SMIM31: variants seen among roughly 807,000 people sequenced by gnomAD.
SMIM31 encodes human epithelial cell program regulator.
At chr4:164,773,510 T>C (rs1732840165) in intron 2 of SMIM31, among the ~76,000 whole-genome samples, 1 of 152,124 alleles carries the variant, frequency 6.6e-6, no homozygotes, top group African/African-American at 2.4e-5. Context: ...AGAAGAAGAA[T>C]GAGCGAAACT....
In SMIM31 at chr4:164,771,106, TA is replaced by T. The variant is rs531803626; in HGVS notation, c.112+552del. On this transcript the variant is annotated intron_variant, in intron 2 of 2. Transcript: ENST00000507311. ...CAAATTGCATTTGTGCTTCCTAGCT[TA>T]TCCCCAATCCCATCAATTCTTGACT... Among the ~76,000 whole-genome samples the T allele has an allele frequency of 5.3e-5, 8 of 152,354 alleles. No homozygotes were observed. The East Asian group carries it at 1.5e-3, about 29-fold the overall frequency.
chr4:164,791,154 A>C (rs1733095630), intron 2 of SMIM31, among the ~76,000 whole-genome samples: 1 of 152,096 alleles, frequency 6.6e-6, no homozygotes, highest in Non-Finnish European at 1.5e-5. Context: ...GCTACTTCTA[A>C]TGTTATCTTG....
chr4:164,769,715 T>C (rs1473325263), intron 1 of SMIM31, among the ~76,000 whole-genome samples: 3 of 149,358 alleles, frequency 2.0e-5, no homozygotes, highest in Non-Finnish European at 4.4e-5. Context: ...CTGCACGTTG[T>C]GCACATGTAC....
rs985397563 is a variant in SMIM31, at chr4:164,801,172, G to A, written c.194G>A (p.Arg65Lys). 2.5e-6 allele frequency: 1 copy of A among 398,944 alleles called. No individual in the cohort carries two copies. The highest frequency in any genetic ancestry group is 4.4e-6 in the Non-Finnish European group (1 of 226,036). 24.7% of individuals were successfully genotyped at this position (398,944 alleles called of 1,614,324 possible). The change falls in exon 3 of 3, where the codon AGA (arginine) becomes AAA (lysine). Residue 65 changes from arginine to lysine, a missense_variant. Transcript: ENST00000507311. ...KKKNCSEEEH[R>K]IEAVEL ...AAAAATTGCTCAGAGGAAGAGCACA[G>A]AATTGAAGCTGTTGAGCTATGATCT...
intron 1 of SMIM31, among the ~76,000 whole-genome samples, chr4:164,758,034 C>G (rs28799672): frequency 0.11 from 17,398 of 152,078 alleles, 1,110 homozygotes; most frequent in African/African-American, 0.16. Flanking sequence ...CATAAAATAT[C>G]GTATATCTCT....
rs1175517827 is a variant in SMIM31 at position 164,754,321 on chromosome 4, T to C, written c.-116T>C. 1 of 152,150 alleles carries C rather than the reference T, an allele frequency of 6.6e-6. No individual in the cohort carries two copies. Among genetic ancestry groups the C allele is most frequent in the African/African-American group, 2.4e-5 (1 of 41,432 alleles). The allele number at this position is 152,150 out of a possible 1,614,324, so 9.4% of individuals were successfully genotyped here. ...AATGTTCATTAACAGACACAGGCCA[T>C]TCAGTCCCGAATCCCAAGACACTGA... On this transcript the variant is annotated 5_prime_UTR_variant, in exon 1 of 3. Transcript: ENST00000507311.
In SMIM31 at chr4:164,801,471, AAT is replaced by A. The variant is rs1733283340; in HGVS notation, c.*279_*280del. On this transcript the variant is annotated 3_prime_UTR_variant, in exon 3 of 3. Transcript: ENST00000507311. ...AAGACCAAAGTGGTTACAATAATAA[AAT>A]AGAACACAGAGAAAGAAGAAAACTA... is the stretch of plus-strand genomic sequence containing the variant. 3.9e-6 allele frequency: 1 copy of A among 254,558 alleles called. No individual in the cohort carries two copies. The allele number at this position is 254,558 out of a possible 1,614,324, so 15.8% of individuals were successfully genotyped here.
At chr4:164,772,319 T>C (rs1732814926) in intron 2 of SMIM31, among the ~76,000 whole-genome samples, 1 of 152,014 alleles carries the variant, frequency 6.6e-6, no homozygotes, top group South Asian at 2.1e-4. Context: ...GGACATGGTG[T>C]TAAATCATGA....
At chr4:164,775,244 T>C (rs1732864056) in intron 2 of SMIM31, among the ~76,000 whole-genome samples, 2 of 152,228 alleles carry the variant, frequency 1.3e-5, no homozygotes, top group Non-Finnish European at 2.9e-5. Context: ...CTGACTTCCC[T>C]AAGACCCATG....
chr4:164,797,758 TG>T (rs1260435066), intron 2 of SMIM31, among the ~76,000 whole-genome samples: 1 of 152,170 alleles, frequency 6.6e-6, no homozygotes, highest in East Asian at 1.9e-4. Context: ...CCACCGCGCC[TG>T]GCCTAAAGTG....
chr4:164,762,446 G>A (rs1480321507), intron 1 of SMIM31, among the ~76,000 whole-genome samples: 1 of 151,960 alleles, frequency 6.6e-6, no homozygotes, highest in Non-Finnish European at 1.5e-5. Context: ...GCCAGGCGTG[G>A]TGGCTCACAC....
chr4:164,757,481 T>C (rs1329096638), intron 1 of SMIM31, among the ~76,000 whole-genome samples: 1 of 152,112 alleles, frequency 6.6e-6, no homozygotes, highest in Non-Finnish European at 1.5e-5. Context: ...TCTTAAAAAG[T>C]CTTTTTTTTA....
At chr4:164,792,556 A>G (rs1579073484) in intron 2 of SMIM31, among the ~76,000 whole-genome samples, 1 of 152,326 alleles carries the variant, frequency 6.6e-6, no homozygotes, top group South Asian at 2.1e-4. Context: ...TAAATTTTAT[A>G]GCATTTCAAA....
intron 2 of SMIM31, among the ~76,000 whole-genome samples, chr4:164,783,232 A>AAACAAC (rs147369524): frequency 7.9e-6 from 1 of 127,226 alleles, no homozygotes; most frequent in African/African-American, 3.0e-5. Context: ...AAAAAAAAAA[A>AAACAAC]GGAATTTCTG....
chr4:164,766,692 G>A (rs1732724456), intron 1 of SMIM31, among the ~76,000 whole-genome samples: 1 of 152,166 alleles, frequency 6.6e-6, no homozygotes, highest in Non-Finnish European at 1.5e-5. Context: ...CAGCTACTCG[G>A]GGGACTGAGG....
intron 1 of SMIM31, among the ~76,000 whole-genome samples, chr4:164,758,854 G>C (rs11722920): frequency 0.45 from 42,535 of 93,964 alleles, 9,998 homozygotes; most frequent in Admixed American, 0.58. Flanking sequence ...ATTTTTAGTA[G>C]AGACTGGGTT....
intron 1 of SMIM31, among the ~76,000 whole-genome samples, chr4:164,759,041 G>A (rs1008281704): frequency 1.3e-5 from 2 of 151,516 alleles, no homozygotes; most frequent in East Asian, 3.9e-4. Context: ...ATGTTAAGCC[G>A]ACCCTGGGAT....
chr4:164,796,173 C>T (rs138396028), intron 2 of SMIM31, among the ~76,000 whole-genome samples: 33 of 152,282 alleles, frequency 2.2e-4, no homozygotes, highest in African/African-American at 5.8e-4. Context: ...TTCTATTGGC[C>T]GGGTGGTGTT....
At chr4:164,773,894 C>T (rs914798996) in intron 2 of SMIM31, among the ~76,000 whole-genome samples, 11 of 152,234 alleles carry the variant, frequency 7.2e-5, no homozygotes, top group Middle Eastern at 3.4e-3. Context: ...TGGCTGGGTG[C>T]GGTGGCTCAC....
Sources: allele counts gnomAD v4.1 joint callset (sites outside exome capture counted in the v4.1 genomes callset), GRCh38; gene constraint gnomAD v4.1.1; transcripts MANE v1.5; gene names NCBI Gene and HGNC (gene_info 2026-07-23, HGNC 2026-07-21).